The following SHC2 variants were observed in gnomAD, a reference collection of about 807,000 sequenced individuals.
The protein encoded by SHC2 is SHC adaptor protein 2, also known as SHC-transforming protein 2.
In SHC2, 62 loss-of-function variants were observed where a neutral mutation model predicts 60.6. That is an observed-to-expected ratio of 1.02 (90% CI 0.83 to 1.26). The LOEUF (loss-of-function observed/expected upper bound fraction) is 1.26. Ranked by LOEUF, SHC2 falls within the 50% of genes most tolerant of loss-of-function variation. The pLI is 0.00. For synonymous variants in SHC2, 375 were observed against 372.4 expected (o/e 1.01, Z -0.08); for missense variants, 873 against 822.2 (o/e 1.06, Z -0.76).
intron 1 of SHC2, among the ~76,000 whole-genome samples, chr19:448,831 G>A (rs746724317): frequency 3.3e-5 from 5 of 152,092 alleles, no homozygotes; most frequent in South Asian, 2.1e-4. Flanking sequence ...ATCCCAGGAC[G>A]GAACAACTGT....
chr19:443,127 C>T (rs1323770411), intron 1 of SHC2, among the ~76,000 whole-genome samples: 2 of 85,072 alleles, frequency 2.4e-5, no homozygotes, highest in Non-Finnish European at 4.7e-5. Flanking sequence ...GATGGGTGGA[C>T]AGATGGGTAG....
At chr19:421,413 A>AAG (rs1974269372) in intron 11 of SHC2, among the ~76,000 whole-genome samples, 1 of 141,668 alleles carries the variant, frequency 7.1e-6, no homozygotes, top group Non-Finnish European at 1.5e-5. Context: ...AAAAAAAAAA[A>AAG]AAAGAAAAGA....
At chr19:418,617 A>G (rs1974204037) in intron 12 of SHC2, among the ~76,000 whole-genome samples, 1 of 152,226 alleles carries the variant, frequency 6.6e-6, no homozygotes, top group Admixed American at 6.5e-5. Flanking sequence ...AAGGACACAC[A>G]GCGTGGAATC....
chr19:439,065 TG>T, intron 2 of SHC2, 35 bp from the exon 3 acceptor site: 1 of 1,112,046 alleles, frequency 9.0e-7, no homozygotes, highest in Non-Finnish European at 1.1e-6. Context: ...GAGAGTGTGG[TG>T]GGGGTGGCCA....
chr19:458,715 T>G (rs1172519152), intron 1 of SHC2, among the ~76,000 whole-genome samples: 3 of 59,852 alleles, frequency 5.0e-5, no homozygotes, highest in Non-Finnish European at 1.1e-4. Context: ...AAGCGGGTCT[T>G]GGGGAGGCGG....
chr19:448,103 C>T (rs2145742946), intron 1 of SHC2, among the ~76,000 whole-genome samples: 1 of 152,312 alleles, frequency 6.6e-6, no homozygotes, highest in Admixed American at 6.5e-5. Context: ...GGGGCGTGCA[C>T]TGCGACGTCC....
chr19:450,953 A>T (rs1975172117), intron 1 of SHC2, among the ~76,000 whole-genome samples: 1 of 148,840 alleles, frequency 6.7e-6, no homozygotes, highest in Non-Finnish European at 1.5e-5. Context: ...GTGGATGGCC[A>T]TACCATAGCC....
chr19:460,145 C>A (rs1447703763), intron 1 of SHC2, among the ~76,000 whole-genome samples: 1 of 152,238 alleles, frequency 6.6e-6, no homozygotes, highest in Non-Finnish European at 1.5e-5. Context: ...CGCACCCCCA[C>A]CGCAGGCCAG....
chr19:448,264 C>A (rs755875742), intron 1 of SHC2, among the ~76,000 whole-genome samples: 9 of 152,234 alleles, frequency 5.9e-5, no homozygotes, highest in Non-Finnish European at 1.0e-4. Context: ...CTGGGGGCCA[C>A]GGGAGCGGAT....
chr19:439,820 G>C (rs949742420), intron 2 of SHC2, among the ~76,000 whole-genome samples: 21 of 152,058 alleles, frequency 1.4e-4, no homozygotes, highest in Admixed American at 3.9e-4. Context: ...GAGGTCAGGG[G>C]TTCGAGACCG....
intron 6 of SHC2, 41 bp downstream of exon 6, chr19:436,339 C>A (rs781272922): frequency 6.3e-7 from 1 of 1,595,210 alleles, no homozygotes; most frequent in Admixed American, 1.7e-5. Flanking sequence ...GGCCGTGCCC[C>A]CCAGCCACAG....
chr19:447,411 T>C (rs927781609), intron 1 of SHC2, among the ~76,000 whole-genome samples: 14 of 152,248 alleles, frequency 9.2e-5, no homozygotes, highest in Admixed American at 8.5e-4. Flanking sequence ...ACCGTGTGGC[T>C]GCACTAAATA....
chr19:460,350 G>C (rs2059961906), intron 1 of SHC2, among the ~76,000 whole-genome samples, 179 bp downstream of exon 1: 2 of 151,720 alleles, frequency 1.3e-5, no homozygotes, highest in African/African-American at 2.4e-5. Context: ...CCGGACCCCA[G>C]CGCCTCCGGG....
rs1284331804 is a variant in SHC2, at chr19:440,987, G to GT, written c.469-56dup. The GT allele has an allele frequency of 6.4e-7, 1 of 1,563,966 alleles. No homozygotes were observed. Among genetic ancestry groups the GT allele is most frequent in the East Asian group, 2.2e-5 (1 of 44,554 alleles). On this transcript the variant is annotated intron_variant, in intron 1 of 12. Transcript: ENST00000264554. The surrounding 1 kb of genome is among the most constrained non-coding windows in gnomAD (Gnocchi z 7.0). Reference sequence around the variant, plus strand: ...ATCGGAACCCCCGCAGTGGAGCCACGTCCCTTTTCCCAGCAGCCCTTCGCC... The same window carrying GT: ...ATCGGAACCCCCGCAGTGGAGCCACGTTCCCTTTTCCCAGCAGCCCTTCGCC...
rs1398098685 is a variant in SHC2, at chr19:442,835, A to G, written c.469-1903T>C. The stretch of plus-strand genomic sequence containing the variant: ...AGTGGATGGGTGGATGGGTGGGTGG[A>G]TGGGTGGACGGGTGGACGGATGGAT... On this transcript the variant is annotated intron_variant, in intron 1 of 12. Transcript: ENST00000264554. Among the ~76,000 whole-genome samples the G allele has an allele frequency of 2.8e-4, 23 of 82,438 alleles. No individual in the cohort carries two copies. In the East Asian group the frequency reaches 2.8e-3, roughly 10 times the overall value. 54.1% of individuals were successfully genotyped at this position (82,438 alleles called of 152,430 possible).
chr19:440,275 C>T lies in SHC2; in HGVS notation c.539+587G>A, dbSNP rs929850044. 1.5e-4 allele frequency among the ~76,000 whole-genome samples: 23 copies of T among 151,992 alleles called. No individual in the cohort carries two copies. The highest frequency in any genetic ancestry group is 2.2e-4 in the African/African-American group (9 of 41,458). On this transcript the variant is annotated intron_variant, in intron 2 of 12. Coordinates refer to ENST00000264554, the MANE Select transcript of SHC2 (RefSeq NM_012435.3). The surrounding 1 kb of genome is among the most constrained non-coding windows in gnomAD (Gnocchi z 7.0). ...GTTTTGATGGGGTAATGAGAATGTTCGGAACTAGACAGTGGTGATCGTGTG... is the reference window on the plus strand; with the variant it reads ...GTTTTGATGGGGTAATGAGAATGTTTGGAACTAGACAGTGGTGATCGTGTG...
At chr19:431,495 G>GATA in intron 8 of SHC2, among the ~76,000 whole-genome samples, 2 of 39,478 alleles carry the variant, frequency 5.1e-5, no homozygotes, top group Admixed American at 4.7e-4. Flanking sequence ...CCGGGCAGAT[G>GATA]GCGCTTCATC....
chr19:450,714 ACT>A (rs1206834511), intron 1 of SHC2, among the ~76,000 whole-genome samples: 1 of 150,100 alleles, frequency 6.7e-6, no homozygotes. Context: ...GGATGGCCAC[ACT>A]GTGTTGATCC....
In SHC2 at chr19:441,008, T is replaced by C. The variant is rs1441206995; in HGVS notation, c.469-76A>G. The C allele has an allele frequency of 3.9e-6, 6 of 1,551,374 alleles. No homozygotes were observed. The highest frequency in any genetic ancestry group is 5.3e-6 in the Non-Finnish European group (6 of 1,126,738). Reference sequence around the variant, plus strand: ...CCACGTCCCTTTTCCCAGCAGCCCTTCGCCGCCTCCACCACCCCTGGGGTC... The same window carrying C: ...CCACGTCCCTTTTCCCAGCAGCCCTCCGCCGCCTCCACCACCCCTGGGGTC... On this transcript the variant is annotated intron_variant, in intron 1 of 12. Transcript: ENST00000264554. The surrounding 1 kb of genome is among the most constrained non-coding windows in gnomAD (Gnocchi z 4.9).
Sources: gnomAD v4.1 joint callset for allele counts (sites outside exome capture counted in the v4.1 genomes callset) on GRCh38, gnomAD v4.1.1 for gene constraint, Gnocchi (gnomAD v3.1) non-coding constraint, MANE v1.5 for transcripts, NCBI Gene and HGNC (gene_info 2026-07-23, HGNC 2026-07-21) for gene names.